ABCC1: variants seen among roughly 807,000 people sequenced by gnomAD.
The protein encoded by ABCC1 is ATP binding cassette subfamily C member 1 (ABCC1 blood group).
ABCC1 carries 83 observed loss-of-function variants against 172.9 expected under a neutral mutation model. The observed-to-expected ratio is 0.48, with a 90% CI of 0.40 to 0.58. ABCC1 has a LOEUF of 0.58. Among genes scored for constraint, ABCC1 ranks in the 20% least tolerant of loss-of-function variants. The pLI is 0.00. For synonymous variants in ABCC1, 937 were observed against 825.2 expected (o/e 1.14, Z -2.32); for missense variants, 1,817 against 2,002.7 (o/e 0.91, Z 1.77).
At chr16:16,069,277 G>A (rs749388667) in intron 13 of ABCC1, among the ~76,000 whole-genome samples, 7 of 152,042 alleles carry the variant, frequency 4.6e-5, no homozygotes, top group Non-Finnish European at 7.3e-5. Flanking sequence ...AGAAGGCTGG[G>A]GTGGGAGGAT....
rs555980544 is a variant in ABCC1 at position 15,982,275 on chromosome 16, C to T, written c.49-25541C>T. Among the ~76,000 whole-genome samples, 23 of 152,162 alleles carry T rather than the reference C, an allele frequency of 1.5e-4. No homozygotes were observed. The East Asian group carries it at 2.3e-3, about 15-fold the overall frequency. Reference sequence around the variant, plus strand: ...AATTTACTGTATTAGTTTGTTCTCACGCTGCTATAAAGAACTGCCCAAGAC... The same window carrying T: ...AATTTACTGTATTAGTTTGTTCTCATGCTGCTATAAAGAACTGCCCAAGAC... On this transcript the variant is annotated intron_variant, in intron 1 of 30. Coordinates refer to ENST00000399410, the MANE Select transcript of ABCC1 (RefSeq NM_004996.4).
chr16:15,967,767 A>G (rs1325380475), intron 1 of ABCC1, among the ~76,000 whole-genome samples: 1 of 144,734 alleles, frequency 6.9e-6, no homozygotes, highest in African/African-American at 2.5e-5. Flanking sequence ...CCAAAAAAAA[A>G]AAAAACAACA....
chr16:16,024,191 T>G (rs978217868), intron 5 of ABCC1, among the ~76,000 whole-genome samples: 3 of 151,978 alleles, frequency 2.0e-5, no homozygotes, highest in Non-Finnish European at 4.4e-5. Context: ...TGTACTCCAG[T>G]CTGGGCGACA....
At chr16:16,082,566 C>CT (rs11430158) in intron 16 of ABCC1, among the ~76,000 whole-genome samples, 124,024 of 152,150 alleles carry the variant, frequency 0.82, 50,689 homozygotes, top group Non-Finnish European at 0.85. Flanking sequence ...GAAATGGATG[C>CT]TTGATATAGG....
chr16:15,987,763 C>T (rs1293558219), intron 1 of ABCC1, among the ~76,000 whole-genome samples: 4 of 152,220 alleles, frequency 2.6e-5, no homozygotes, highest in Non-Finnish European at 5.9e-5. Context: ...TGACTGTCTC[C>T]TCCCTGCCTT....
intron 7 of ABCC1, among the ~76,000 whole-genome samples, chr16:16,037,101 C>CA (rs767426927): frequency 0.061 from 8,404 of 138,396 alleles, 290 homozygotes; most frequent in Middle Eastern, 0.12. Context: ...GACTCCGTCT[C>CA]AAAAAAAAAA....
chr16:16,102,905 T>C (rs781748207), intron 20 of ABCC1, among the ~76,000 whole-genome samples, 188 bp downstream of exon 20: 22 of 152,148 alleles, frequency 1.4e-4, no homozygotes, highest in Non-Finnish European at 2.9e-4. Context: ...GTGGCACTCT[T>C]TTTGCCAGGT....
chr16:16,062,007 G>A (rs893122812), intron 12 of ABCC1, among the ~76,000 whole-genome samples: 5 of 152,010 alleles, frequency 3.3e-5, no homozygotes, highest in South Asian at 2.1e-4. Flanking sequence ...TCCTGAGCTC[G>A]AGCAGTCCGC....
At chr16:16,111,282 G>A (rs932810222) in intron 21 of ABCC1, 93 bp from the exon 22 acceptor site, 14 of 994,810 alleles carry the variant, frequency 1.4e-5, no homozygotes, top group Non-Finnish European at 2.1e-5. Context: ...CAGCTGGGTG[G>A]CACAGTGCTG....
At chr16:16,126,256 A>T (rs981368846) in intron 26 of ABCC1, among the ~76,000 whole-genome samples, 9 of 152,216 alleles carry the variant, frequency 5.9e-5, no homozygotes, top group Admixed American at 5.9e-4. Flanking sequence ...TGGGGCTAGC[A>T]GGTCTTTAAC....
At chr16:15,962,676 A>T (rs1268796145) in intron 1 of ABCC1, among the ~76,000 whole-genome samples, 1 of 152,218 alleles carries the variant, frequency 6.6e-6, no homozygotes, top group Non-Finnish European at 1.5e-5. Context: ...AAAAGCCGGT[A>T]TAAAACCATC....
intron 12 of ABCC1, among the ~76,000 whole-genome samples, chr16:16,058,998 A>G (rs748481269): frequency 6.6e-6 from 1 of 151,776 alleles, no homozygotes; most frequent in Non-Finnish European, 1.5e-5. Flanking sequence ...GCCCCACCCA[A>G]ATTTTCAGTT....
intron 1 of ABCC1, among the ~76,000 whole-genome samples, chr16:16,003,047 AAG>A (rs1363723551): frequency 3.3e-5 from 5 of 152,186 alleles, no homozygotes; most frequent in Admixed American, 6.6e-5. Context: ...AATAATTACA[AAG>A]AGAGGGAGAC....
intron 14 of ABCC1, among the ~76,000 whole-genome samples, chr16:16,074,100 G>A (rs1485961208): frequency 6.6e-6 from 1 of 152,126 alleles, no homozygotes; most frequent in Non-Finnish European, 1.5e-5. Flanking sequence ...TTTATCCTGG[G>A]CGCTACTGAC....
chr16:15,970,511 A>G (rs967435865), intron 1 of ABCC1, among the ~76,000 whole-genome samples: 1 of 152,244 alleles, frequency 6.6e-6, no homozygotes, highest in Non-Finnish European at 1.5e-5. Flanking sequence ...CTGTATAGGC[A>G]AAAGCAGAAG....
At chr16:15,983,848 G>A (rs149766831) in intron 1 of ABCC1, among the ~76,000 whole-genome samples, 4 of 152,044 alleles carry the variant, frequency 2.6e-5, no homozygotes, top group East Asian at 3.9e-4. Context: ...AAGCCACCGC[G>A]CCTGGCCTTT....
At chr16:15,992,428 C>G (rs2046899420) in intron 1 of ABCC1, among the ~76,000 whole-genome samples, 3 of 152,110 alleles carry the variant, frequency 2.0e-5, no homozygotes, top group Admixed American at 2.0e-4. Context: ...GAGATGGATT[C>G]TTGCTCTGTT....
chr16:15,969,696 C>G (rs1309896151), intron 1 of ABCC1, among the ~76,000 whole-genome samples: 1 of 151,474 alleles, frequency 6.6e-6, no homozygotes, highest in Non-Finnish European at 1.5e-5. Flanking sequence ...TTTTTTAAAC[C>G]TCTGTGTACA....
At chr16:16,004,274 C>A (rs551242977) in intron 1 of ABCC1, among the ~76,000 whole-genome samples, 1 of 152,064 alleles carries the variant, frequency 6.6e-6, no homozygotes, top group Admixed American at 6.6e-5. Context: ...AGGATCAGGT[C>A]AATTAAATGT....
Sources: gnomAD v4.1 joint callset for allele counts (sites outside exome capture counted in the v4.1 genomes callset) on GRCh38, gnomAD v4.1.1 for gene constraint, MANE v1.5 for transcripts, NCBI Gene and HGNC (gene_info 2026-07-23, HGNC 2026-07-21) for gene names.